The following DENND2B variants were observed in gnomAD, a reference collection of about 807,000 sequenced individuals.
DENND2B encodes DENN domain-containing protein 2B.
Under a neutral mutation model 116.0 loss-of-function variants are expected in DENND2B, and 32 were observed. That is an observed-to-expected ratio of 0.28 (90% CI 0.21 to 0.37). The LOEUF is 0.37. Among genes scored for constraint, DENND2B ranks in the 10% least tolerant of loss-of-function variants. DENND2B has a pLI of 1.00. For synonymous variants in DENND2B, 588 were observed against 583.9 expected, an observed-to-expected ratio of 1.01 and a Z score of -0.10; for missense variants, 1,276 against 1,477.7, an observed-to-expected ratio of 0.86 and a Z score of 2.24.
At chr11:8,714,069 C>G in intron 7 of DENND2B, 27 bp from the exon 8 acceptor site, 3 of 1,606,488 alleles carry the variant, frequency 1.9e-6, no homozygotes, top group Non-Finnish European at 1.7e-6. Context: ...AGAGTACATA[C>G]TTGCTGGACC....
chr11:8,770,730 C>A (rs571361600), intron 1 of DENND2B, among the ~76,000 whole-genome samples: 1 of 152,204 alleles, frequency 6.6e-6, no homozygotes, highest in South Asian at 2.1e-4. Flanking sequence ...CTTGCTCTGT[C>A]ACCCAGGCTG....
At chr11:8,904,459 A>G (rs76101297) in intron 1 of DENND2B, among the ~76,000 whole-genome samples, 4 of 152,206 alleles carry the variant, frequency 2.6e-5, no homozygotes, top group African/African-American at 4.8e-5. Flanking sequence ...TCTACAAAAA[A>G]ACAAATATCA....
At chr11:8,749,044 C>T (rs146294173) in intron 2 of DENND2B, among the ~76,000 whole-genome samples, 1 of 152,260 alleles carries the variant, frequency 6.6e-6, no homozygotes, top group East Asian at 1.9e-4. Flanking sequence ...ATGACACAAT[C>T]ACATATATTT....
At chr11:8,790,683 C>T (rs1030044570) in intron 1 of DENND2B, among the ~76,000 whole-genome samples, 4 of 152,124 alleles carry the variant, frequency 2.6e-5, no homozygotes, top group African/African-American at 9.7e-5. Flanking sequence ...GTGGGAGGAT[C>T]ACTTGAGTCC....
intron 1 of DENND2B, among the ~76,000 whole-genome samples, chr11:8,887,972 T>A (rs1374529316): frequency 6.6e-6 from 1 of 152,180 alleles, no homozygotes; most frequent in Admixed American, 6.5e-5. Context: ...AAACTTTGTG[T>A]GGAGGCCAGT....
intron 16 of DENND2B, 50 bp from the exon 17 acceptor site, chr11:8,697,686 T>TA (rs2040618917): frequency 2.4e-6 from 3 of 1,236,752 alleles, no homozygotes; most frequent in Non-Finnish European, 3.6e-6. Context: ...ACTGAGCACT[T>TA]ACTATGTGCT....
At chr11:8,708,983 G>T (rs1004670538) in intron 11 of DENND2B, among the ~76,000 whole-genome samples, 1 of 152,014 alleles carries the variant, frequency 6.6e-6, no homozygotes, top group Non-Finnish European at 1.5e-5. Context: ...GGTAGCTAAA[G>T]GGGAGACATG....
chr11:8,899,703 G>A (rs1197597386), intron 1 of DENND2B, among the ~76,000 whole-genome samples: 1 of 152,164 alleles, frequency 6.6e-6, no homozygotes, highest in Admixed American at 6.5e-5. Context: ...AATACTGAAG[G>A]AAGTTTTTCA....
chr11:8,714,833 A>G, intron 6 of DENND2B, 127 bp from the exon 7 acceptor site: 2 of 766,782 alleles, frequency 2.6e-6, no homozygotes, highest in Non-Finnish European at 4.2e-6. Flanking sequence ...CGCTGGGTCC[A>G]GGACTGGTCT....
chr11:8,789,896 C>T (rs1021907780), intron 1 of DENND2B, among the ~76,000 whole-genome samples: 7 of 152,176 alleles, frequency 4.6e-5, no homozygotes, highest in Admixed American at 2.0e-4. Context: ...AAGAAGACCC[C>T]GAGCAACAAC....
chr11:8,765,424 T>C (rs2055534720), intron 1 of DENND2B, among the ~76,000 whole-genome samples: 1 of 152,234 alleles, frequency 6.6e-6, no homozygotes, highest in Non-Finnish European at 1.5e-5. Flanking sequence ...ACTCAACATT[T>C]GTTGAACACC....
At position 8,707,675 on chromosome 11, in the gene DENND2B, G is replaced by T; in HGVS notation, c.2430+102C>A. 1 of 1,118,130 alleles carries T rather than the reference G, an allele frequency of 8.9e-7. No individual in the cohort carries two copies. The allele number at this position is 1,118,130 out of a possible 1,614,324, so 69.3% of individuals were successfully genotyped here. A position where few individuals can be genotyped will look rare whatever the true frequency, so the allele number is the denominator to read the frequency against. On this transcript the variant is annotated intron_variant, in intron 12 of 19. Transcript: ENST00000313726. The surrounding 1 kb of genome is among the most constrained non-coding windows in gnomAD (Gnocchi z 4.8). Reference sequence around the variant, plus strand: ...TGTTCCTGCATTCTGTCTCCCGCTCGCTCACAGTCACAGGTGGTTTTCTCA... The same window carrying T: ...TGTTCCTGCATTCTGTCTCCCGCTCTCTCACAGTCACAGGTGGTTTTCTCA...
chr11:8,884,703 T>C (rs142373818), intron 1 of DENND2B, among the ~76,000 whole-genome samples: 1 of 152,310 alleles, frequency 6.6e-6, no homozygotes, highest in Admixed American at 6.5e-5. Context: ...TAACTCTTCA[T>C]GCATGGTACC....
Position 8,707,366 on chromosome 11 carries a change from G to A in DENND2B, c.2431-141C>T. On this transcript the variant is annotated intron_variant, in intron 12 of 19. Coordinates refer to ENST00000313726, the MANE Select transcript of DENND2B (RefSeq NM_213618.2). The surrounding 1 kb of genome is among the most constrained non-coding windows in gnomAD (Gnocchi z 4.8). ...CGGGAAGGTGGTCTTGCCATGATCTGCACACTCTACCCTTCCCGTTTTCCT... is the reference window on the plus strand; with the variant it reads ...CGGGAAGGTGGTCTTGCCATGATCTACACACTCTACCCTTCCCGTTTTCCT... The A allele has an allele frequency of 9.1e-7, 1 of 1,104,814 alleles. No individual in the cohort carries two copies. Among genetic ancestry groups the A allele is most frequent in the Non-Finnish European group, 1.3e-6 (1 of 796,286 alleles). The allele number at this position is 1,104,814 out of a possible 1,614,324, so 68.4% of individuals were successfully genotyped here.
intron 4 of DENND2B, chr11:8,718,650 T>A: frequency 7.8e-7 from 1 of 1,278,952 alleles, no homozygotes; most frequent in East Asian, 3.2e-5. Context: ...ACAGGGGAGG[T>A]GTGAAAGGCT....
At position 8,712,094 on chromosome 11, in the gene DENND2B, C is replaced by T; in HGVS notation, c.2172+457G>A. The T allele has an allele frequency of 2.4e-6, 1 of 413,436 alleles. No homozygotes were observed. Among genetic ancestry groups the T allele is most frequent in the East Asian group, 7.2e-5 (1 of 13,830 alleles). 25.6% of individuals were successfully genotyped at this position (413,436 alleles called of 1,614,324 possible). The stretch of plus-strand genomic sequence containing the variant: ...GAGTGTGAGAGGAAGAAGAGGGAGG[C>T]CAGGCTGGCTGGCGACAAGCAGGGA... On this transcript the variant is annotated intron_variant, in intron 9 of 19. Coordinates refer to ENST00000313726, the MANE Select transcript of DENND2B (RefSeq NM_213618.2). This position sits in a 1 kb window ranked among gnomAD's most constrained non-coding sequence, Gnocchi z 4.4.
chr11:8,744,942 G>T (rs1198231274), intron 2 of DENND2B, among the ~76,000 whole-genome samples: 3 of 136,486 alleles, frequency 2.2e-5, no homozygotes, highest in Non-Finnish European at 3.2e-5. Flanking sequence ...TTTTTTTTAA[G>T]ACAGGGTTTC....
intron 1 of DENND2B, among the ~76,000 whole-genome samples, chr11:8,751,608 A>C (rs1230636203): frequency 6.6e-6 from 1 of 152,174 alleles, no homozygotes; most frequent in Non-Finnish European, 1.5e-5. Context: ...CGAACATCAG[A>C]AGGAACAAAC....
At chr11:8,748,308 A>G (rs567463982) in intron 2 of DENND2B, among the ~76,000 whole-genome samples, 1 of 152,348 alleles carries the variant, frequency 6.6e-6, no homozygotes, top group African/African-American at 2.4e-5. Context: ...CAAGATCATC[A>G]ATCCAAGTTG....
Sources: gnomAD v4.1 joint callset for allele counts (sites outside exome capture counted in the v4.1 genomes callset) on GRCh38, gnomAD v4.1.1 for gene constraint, Gnocchi (gnomAD v3.1) non-coding constraint, MANE v1.5 for transcripts, NCBI Gene and HGNC (gene_info 2026-07-23, HGNC 2026-07-21) for gene names.